The following CACNA2D1 variants were observed in gnomAD, a reference collection of about 807,000 sequenced individuals.
The protein encoded by CACNA2D1 is voltage-dependent calcium channel subunit alpha-2/delta-1.
CACNA2D1 carries 53 observed loss-of-function variants against 171.5 expected under a neutral mutation model. The observed-to-expected ratio is 0.31, with a 90% CI of 0.25 to 0.39. The LOEUF (loss-of-function observed/expected upper bound fraction) is 0.39. Among genes scored for constraint, CACNA2D1 ranks in the 10% least tolerant of loss-of-function variants. The probability of loss-of-function intolerance (pLI) is 1.00; values close to 1 mark genes in which losing one functional copy is unlikely to be tolerated. For synonymous variants in CACNA2D1, 442 were observed against 443.1 expected (o/e 1.00, Z 0.03); for missense variants, 903 against 1,299.8 (o/e 0.69, Z 4.69).
intron 10 of CACNA2D1, chr7:82,051,096 G>C (rs2131308319): frequency 6.2e-6 from 1 of 160,400 alleles, no homozygotes; most frequent in South Asian, 1.8e-4. Context: ...ACATATATTG[G>C]CTCCTTGAAC....
chr7:82,129,314 G>C (rs7787094), intron 5 of CACNA2D1, among the ~76,000 whole-genome samples: 3,654 of 152,256 alleles, frequency 0.024, 135 homozygotes, highest in African/African-American at 0.082. Context: ...TGGCAGACCT[G>C]AATGTTTCCT....
intron 18 of CACNA2D1, 124 bp downstream of exon 18, chr7:82,005,299 C>T (rs1049952557): frequency 2.7e-5 from 19 of 694,790 alleles, no homozygotes; most frequent in African/African-American, 2.5e-4. Context: ...AGAAGAGAGA[C>T]GCATTAGAGA....
chr7:82,132,597 G>T (rs1406976576), intron 5 of CACNA2D1, among the ~76,000 whole-genome samples: 2 of 152,144 alleles, frequency 1.3e-5, no homozygotes, highest in Non-Finnish European at 2.9e-5. Flanking sequence ...CATGGATATT[G>T]GAACACCGAT....
intron 4 of CACNA2D1, among the ~76,000 whole-genome samples, chr7:82,158,150 T>C (rs1269009879): frequency 6.6e-6 from 1 of 151,976 alleles, no homozygotes; most frequent in Non-Finnish European, 1.5e-5. Context: ...TTTGAGAAAT[T>C]ATATTCTTGC....
rs550400100 is a variant in CACNA2D1, at chr7:82,171,838, A to C, written c.295-1229T>G. On this transcript the variant is annotated intron_variant, in intron 3 of 38. Coordinates refer to ENST00000356860, the MANE Select transcript of CACNA2D1 (RefSeq NM_000722.4). Reference sequence around the variant, plus strand: ...TATCAGGTTAGGTTTAAAAAATTACAAATCTCAGAGTCATTTATTGATTCA... The same window carrying C: ...TATCAGGTTAGGTTTAAAAAATTACCAATCTCAGAGTCATTTATTGATTCA... Among the ~76,000 whole-genome samples the C allele has an allele frequency of 5.6e-4, 86 of 152,226 alleles. 3 individuals are homozygous for C. In the South Asian group the frequency reaches 0.018, roughly 32 times the overall value.
At chr7:82,335,403 A>T in intron 2 of CACNA2D1, 152 bp from the exon 3 acceptor site, 1 of 639,704 alleles carries the variant, frequency 1.6e-6, no homozygotes, top group South Asian at 1.8e-5. Context: ...TGTGTCAGGA[A>T]AAAATATGTA....
intron 5 of CACNA2D1, 26 bp downstream of exon 5, chr7:82,136,609 T>C (rs542469915): frequency 1.3e-6 from 2 of 1,551,220 alleles, no homozygotes; most frequent in Non-Finnish European, 1.8e-6. Context: ...TTTCTTGGAA[T>C]TTAATGGAAA....
intron 1 of CACNA2D1, among the ~76,000 whole-genome samples, chr7:82,390,005 G>A (rs1466382720): frequency 6.6e-6 from 1 of 152,176 alleles, no homozygotes; most frequent in Non-Finnish European, 1.5e-5. Context: ...CTTCCAGTCT[G>A]CGGAAGTTTC....
intron 3 of CACNA2D1, among the ~76,000 whole-genome samples, chr7:82,328,800 A>G (rs1816945063): frequency 6.6e-6 from 1 of 152,144 alleles, no homozygotes; most frequent in Non-Finnish European, 1.5e-5. Flanking sequence ...TTTCTTGCCA[A>G]TGTCTCACTT....
At chr7:82,364,350 A>C (rs1422710717) in intron 1 of CACNA2D1, among the ~76,000 whole-genome samples, 1 of 152,230 alleles carries the variant, frequency 6.6e-6, no homozygotes, top group African/African-American at 2.4e-5. Flanking sequence ...CAAGAAGTTC[A>C]TAGCATGATT....
intron 6 of CACNA2D1, among the ~76,000 whole-genome samples, chr7:82,102,669 A>T (rs558909098): frequency 1.3e-5 from 2 of 152,214 alleles, no homozygotes; most frequent in East Asian, 3.9e-4. Flanking sequence ...ACTGATGGAG[A>T]TTCCATCTAC....
At position 81,997,265 on chromosome 7, in the gene CACNA2D1, A is replaced by G; in HGVS notation, c.1591-15T>C. On this transcript the variant is annotated splice_polypyrimidine_tract_variant and intron_variant, in intron 18 of 38. Transcript: ENST00000356860. ...GATTTGGGGTTCTACACAGAAAACA[A>G]TAATAATTAGGTACATGTAACATTA... is the stretch of plus-strand genomic sequence containing the variant. 5.3e-6 allele frequency: 8 copies of G among 1,501,702 alleles called. No homozygotes were observed. The highest frequency in any genetic ancestry group is 7.4e-6 in the Non-Finnish European group (8 of 1,077,748). The allele number at this position is 1,501,702 out of a possible 1,614,324, so 93.0% of individuals were successfully genotyped here.
intron 4 of CACNA2D1, among the ~76,000 whole-genome samples, chr7:82,136,989 T>C (rs890200824): frequency 6.6e-6 from 1 of 152,176 alleles, no homozygotes; most frequent in Non-Finnish European, 1.5e-5. Flanking sequence ...GATATATTAA[T>C]ACACAATGAA....
chr7:82,221,179 T>C (rs117233704), intron 3 of CACNA2D1, among the ~76,000 whole-genome samples: 51 of 145,702 alleles, frequency 3.5e-4, no homozygotes, highest in Non-Finnish European at 6.1e-4. Flanking sequence ...GTGGTCTATC[T>C]TACACATGGA....
intron 2 of CACNA2D1, among the ~76,000 whole-genome samples, chr7:82,336,244 A>G (rs1817981956): frequency 2.0e-5 from 3 of 152,266 alleles, no homozygotes; most frequent in South Asian, 4.1e-4. Context: ...CTTTACTACC[A>G]ACAGGTTCTA....
chr7:82,065,883 A>G (rs1004635792), intron 8 of CACNA2D1, among the ~76,000 whole-genome samples: 11 of 152,204 alleles, frequency 7.2e-5, no homozygotes, highest in African/African-American at 2.7e-4. Flanking sequence ...AAATAAATAC[A>G]ATTAATAGTT....
chr7:82,076,410 C>A (rs752767336), intron 7 of CACNA2D1, among the ~76,000 whole-genome samples: 19 of 152,008 alleles, frequency 1.2e-4, no homozygotes, highest in Non-Finnish European at 2.6e-4. Context: ...ACTTTTCTCC[C>A]AAAATAAGAA....
At chr7:81,961,321 A>T (rs1794087703) in intron 36 of CACNA2D1, among the ~76,000 whole-genome samples, 1 of 152,008 alleles carries the variant, frequency 6.6e-6, no homozygotes, top group South Asian at 2.1e-4. Flanking sequence ...TATTTTATGG[A>T]TACTGACTAA....
chr7:82,302,077 G>A (rs181764435), intron 3 of CACNA2D1, among the ~76,000 whole-genome samples: 2 of 152,048 alleles, frequency 1.3e-5, no homozygotes, highest in African/African-American at 4.8e-5. Flanking sequence ...ATATTTTATA[G>A]ACAGAATATA....
Sources: gnomAD v4.1 joint callset for allele counts (sites outside exome capture counted in the v4.1 genomes callset) on GRCh38, gnomAD v4.1.1 for gene constraint, MANE v1.5 for transcripts, NCBI Gene and HGNC (gene_info 2026-07-23, HGNC 2026-07-21) for gene names.